The following XNDC1N variants were observed in gnomAD, a reference collection of about 807,000 sequenced individuals.
The protein encoded by XNDC1N is XRCC1 N-terminal domain containing 1, N-terminal like, also known as protein XNDC1N.
the XNDC1N span, among the ~76,000 whole-genome samples, chr11:71,900,339 G>A: frequency 3.9e-5 from 6 of 151,990 alleles, no homozygotes; most frequent in South Asian, 2.1e-4. Flanking sequence ...CATCCCACCC[G>A]ACTAGACATA....
chr11:71,878,476 T>C, the XNDC1N span: 1 of 1,611,766 alleles, frequency 6.2e-7, no homozygotes, highest in Non-Finnish European at 8.5e-7. Context: ...TTTTTGTCTT[T>C]GGAGTCCTTT....
chr11:71,872,104 T>C, the XNDC1N span, among the ~76,000 whole-genome samples: 5 of 152,174 alleles, frequency 3.3e-5, no homozygotes, highest in East Asian at 9.6e-4. Flanking sequence ...CAAATACTAA[T>C]AGATGATACA....
the XNDC1N span, chr11:71,903,100 C>T: frequency 1.7e-6 from 1 of 590,198 alleles, no homozygotes; most frequent in Non-Finnish European, 3.1e-6. Flanking sequence ...TGCTTCTATC[C>T]AAAATGCAGA....
chr11:71,901,707 T>C, the XNDC1N span, among the ~76,000 whole-genome samples: 3 of 152,032 alleles, frequency 2.0e-5, no homozygotes, highest in African/African-American at 7.3e-5. Context: ...GAATTTTGAA[T>C]ACCACACTTT....
the XNDC1N span, chr11:71,903,939 C>T: frequency 6.8e-5 from 32 of 468,220 alleles, no homozygotes; most frequent in African/African-American, 5.2e-4. Context: ...CAGTTGTTTG[C>T]TGATTTTATG....
the XNDC1N span, among the ~76,000 whole-genome samples, chr11:71,915,742 A>C: frequency 9.8e-5 from 15 of 152,324 alleles, no homozygotes; most frequent in Middle Eastern, 3.4e-3. Context: ...GAAAAGTCTG[A>C]TAAAAGCTAC....
At chr11:71,909,596 G>T in the XNDC1N span, among the ~76,000 whole-genome samples, 1 of 152,216 alleles carries the variant, frequency 6.6e-6, no homozygotes, top group Non-Finnish European at 1.5e-5. Context: ...ATAGTCAGGG[G>T]TGGAGATATT....
the XNDC1N span, among the ~76,000 whole-genome samples, chr11:71,881,891 G>A: frequency 6.6e-3 from 1,003 of 152,234 alleles, 11 homozygotes; most frequent in Middle Eastern, 0.027. Flanking sequence ...AAATATATGT[G>A]TAATGAAGTA....
the XNDC1N span, among the ~76,000 whole-genome samples, chr11:71,888,317 T>G: frequency 6.6e-6 from 1 of 152,040 alleles, no homozygotes; most frequent in Non-Finnish European, 1.5e-5. Context: ...TGAAGGCAGG[T>G]GAGAGAATTC....
chr11:71,880,305 A>G, the XNDC1N span, among the ~76,000 whole-genome samples: 1 of 152,166 alleles, frequency 6.6e-6, no homozygotes, highest in East Asian at 1.9e-4. Context: ...TATTTAGCAT[A>G]TGGTTGTTTA....
chr11:71,916,348 T>C, the XNDC1N span: 9 of 645,502 alleles, frequency 1.4e-5, no homozygotes, highest in Non-Finnish European at 1.9e-5. Flanking sequence ...AAAAGAGCTA[T>C]AGAGAGTAAC....
the XNDC1N span, among the ~76,000 whole-genome samples, chr11:71,914,596 A>G: frequency 6.6e-6 from 1 of 151,898 alleles, no homozygotes; most frequent in East Asian, 1.9e-4. Flanking sequence ...CTGAGGTGAG[A>G]GAATTGCTTG....
At chr11:71,919,927 CTCTTTTTTT>C in the XNDC1N span, among the ~76,000 whole-genome samples, 1 of 67,256 alleles carries the variant, frequency 1.5e-5, no homozygotes, top group African/African-American at 5.1e-5. Flanking sequence ...AAAAGCAGGC[CTCTTTTTTT>C]TTTTTTTTTT....
At chr11:71,924,200 TG>T in the XNDC1N span, among the ~76,000 whole-genome samples, 1 of 152,170 alleles carries the variant, frequency 6.6e-6, no homozygotes, top group Admixed American at 6.5e-5. Flanking sequence ...ACATCATCAA[TG>T]ACTTGCTGAT....
At chr11:71,912,519 CA>C in the XNDC1N span, among the ~76,000 whole-genome samples, 1 of 152,132 alleles carries the variant, frequency 6.6e-6, no homozygotes, top group Admixed American at 6.5e-5. Flanking sequence ...GAGAATATCA[CA>C]GGGGTGCTGT....
At chr11:71,920,694 C>G in the XNDC1N span, among the ~76,000 whole-genome samples, 2 of 152,088 alleles carry the variant, frequency 1.3e-5, no homozygotes, top group East Asian at 1.9e-4. Context: ...ATAACTGATG[C>G]TTAGATATAA....
At chr11:71,906,272 T>G in the XNDC1N span, among the ~76,000 whole-genome samples, 3 of 151,264 alleles carry the variant, frequency 2.0e-5, no homozygotes, top group Non-Finnish European at 4.4e-5. Flanking sequence ...ATTAGGAGTA[T>G]AGACCCCTGG....
chr11:71,927,260 A>G, the XNDC1N span, among the ~76,000 whole-genome samples: 10 of 152,184 alleles, frequency 6.6e-5, no homozygotes, highest in East Asian at 1.2e-3. Context: ...CAGGCTGGGC[A>G]CAGTGGTTCA....
chr11:71,877,952 T>C, the XNDC1N span, among the ~76,000 whole-genome samples: 3 of 152,232 alleles, frequency 2.0e-5, no homozygotes, highest in African/African-American at 4.8e-5. Context: ...ATTCGATCGA[T>C]TGGACAGAAA....
Sources: gnomAD v4.1 joint callset for allele counts (sites outside exome capture counted in the v4.1 genomes callset) on GRCh38, gnomAD v4.1.1 for gene constraint, MANE v1.5 for transcripts, NCBI Gene and HGNC (gene_info 2026-07-23, HGNC 2026-07-21) for gene names.